The following USP34 variants were observed in gnomAD, a reference collection of about 807,000 sequenced individuals.
The protein encoded by USP34 is ubiquitin carboxyl-terminal hydrolase 34.
A neutral mutation model predicts 460.3 loss-of-function variants in USP34; 70 were observed. The observed-to-expected ratio is 0.15, with a 90% CI of 0.13 to 0.19. The LOEUF (loss-of-function observed/expected upper bound fraction) is 0.19. Ranked by LOEUF, USP34 falls within the 10% of genes least tolerant of loss-of-function variation. The probability of loss-of-function intolerance (pLI) is 1.00; values close to 1 mark genes in which losing one functional copy is unlikely to be tolerated. For synonymous variants in USP34, 1,647 were observed against 1,405.3 expected (o/e 1.17, Z -3.85); for missense variants, 3,985 against 4,236.2 (o/e 0.94, Z 1.65).
intron 1 of USP34, among the ~76,000 whole-genome samples, chr2:61,462,244 GGAA>G (rs756132050): frequency 8.1e-6 from 1 of 124,206 alleles, no homozygotes. Flanking sequence ...CATCTCAGGG[GGAA>G]AAAAAAAAAA....
chr2:61,412,304 G>A (rs58428612), intron 2 of USP34, among the ~76,000 whole-genome samples: 92 of 151,574 alleles, frequency 6.1e-4, no homozygotes, highest in African/African-American at 2.1e-3. Context: ...GATTTTAGCT[G>A]TAATTTATAT....
chr2:61,431,928 A>T (rs776694651), intron 1 of USP34, among the ~76,000 whole-genome samples: 12 of 152,222 alleles, frequency 7.9e-5, no homozygotes, highest in Non-Finnish European at 1.5e-4. Flanking sequence ...AGAATGATAA[A>T]TGCTTGAGAT....
intron 10 of USP34, 56 bp downstream of exon 10, chr2:61,370,265 G>A: frequency 6.5e-7 from 1 of 1,532,514 alleles, no homozygotes; most frequent in Non-Finnish European, 9.0e-7. Flanking sequence ...TCACAGAGAA[G>A]CACTTAGAAC....
intron 41 of USP34, among the ~76,000 whole-genome samples, chr2:61,272,773 A>C (rs1689254417): frequency 6.6e-6 from 1 of 152,182 alleles, no homozygotes; most frequent in Non-Finnish European, 1.5e-5. Context: ...TCAATAAAGA[A>C]TGCTAAGAAC....
rs1479707801 is a variant in USP34, at chr2:61,449,469, G to C, written c.43+21181C>G. 2.7e-5 allele frequency among the ~76,000 whole-genome samples: 4 copies of C among 145,896 alleles called. No homozygotes were observed. The Admixed American group carries it at 2.8e-4, about 10-fold the overall frequency. On this transcript the variant is annotated intron_variant, in intron 1 of 79. Transcript: ENST00000398571. ...GTTTTCAAGTTGATCCTAAAACTCA[G>C]AAGGAAACTCAAGGGACCCTGAAGA... is the stretch of plus-strand genomic sequence containing the variant.
intron 8 of USP34, 37 bp from the exon 9 acceptor site, chr2:61,370,616 A>T (rs1357905525): frequency 6.3e-7 from 1 of 1,583,894 alleles, no homozygotes; most frequent in Non-Finnish European, 8.6e-7. Context: ...ATTAAAAAAA[A>T]TTGTCATCTT....
At chr2:61,419,496 T>C (rs778154) in intron 2 of USP34, among the ~76,000 whole-genome samples, 50,028 of 151,908 alleles carry the variant, frequency 0.33, 8,684 homozygotes, top group Admixed American at 0.39. Flanking sequence ...TAAAAATTCT[T>C]AATACAGGGA....
intron 1 of USP34, among the ~76,000 whole-genome samples, chr2:61,470,224 G>C (rs540888370): frequency 1.2e-4 from 19 of 152,244 alleles, no homozygotes; most frequent in South Asian, 8.3e-4. Context: ...GAGAGGCCTC[G>C]GCAGCACGCT....
At chr2:61,199,911 A>ATATCTTGATATTTATCTTTCTGG (rs1686920487) in intron 75 of USP34, 4 of 152,374 alleles carry the variant, frequency 2.6e-5, no homozygotes, top group Non-Finnish European at 4.4e-5. Flanking sequence ...TATCTTTCTG[A>ATATCTTGATATTTATCTTTCTGG]TATTTTGAAC....
At chr2:61,243,385 G>C in intron 51 of USP34, among the ~76,000 whole-genome samples, 1 of 151,206 alleles carries the variant, frequency 6.6e-6, no homozygotes, top group South Asian at 2.1e-4. Context: ...GACCTCAGGT[G>C]ATCCACCTGC....
intron 27 of USP34, among the ~76,000 whole-genome samples, chr2:61,301,920 C>G (rs1690238201): frequency 1.3e-5 from 2 of 150,644 alleles, no homozygotes; most frequent in Non-Finnish European, 1.5e-5. Context: ...TATTTGTTAT[C>G]TGGGAAGGGA....
intron 2 of USP34, among the ~76,000 whole-genome samples, chr2:61,413,910 A>T (rs538993738): frequency 5.6e-4 from 84 of 150,784 alleles, no homozygotes; most frequent in Non-Finnish European, 1.0e-3. Context: ...CATCCTGGCG[A>T]TACAGTGAGA....
At chr2:61,315,664 T>C (rs544648012) in intron 23 of USP34, among the ~76,000 whole-genome samples, 5 of 152,068 alleles carry the variant, frequency 3.3e-5, no homozygotes, top group African/African-American at 1.2e-4. Context: ...TGTGAGCCAC[T>C]GCGTCCAGCC....
rs1173331612 is a variant in USP34, at chr2:61,364,804, T to C, written c.1251+5517A>G. Among the ~76,000 whole-genome samples the C allele has an allele frequency of 3.3e-5, 5 of 151,872 alleles. No homozygotes were observed. The East Asian group carries it at 9.7e-4, about 30-fold the overall frequency. On this transcript the variant is annotated intron_variant, in intron 10 of 79. Coordinates refer to ENST00000398571, the MANE Select transcript of USP34 (RefSeq NM_014709.4). ...ATTAGACAATGTGGTGGTGCGCACGTCTGTAATCCCAGCTACTCGGGAGGC... is the reference window on the plus strand; with the variant it reads ...ATTAGACAATGTGGTGGTGCGCACGCCTGTAATCCCAGCTACTCGGGAGGC...
intron 66 of USP34, 128 bp from the exon 67 acceptor site, chr2:61,220,585 T>A (rs201402090): frequency 1.1e-6 from 1 of 901,134 alleles, no homozygotes; most frequent in East Asian, 2.9e-5. Flanking sequence ...TTAAAAAGGT[T>A]TCACCCTATT....
chr2:61,291,211 A>G (rs1268698767), intron 33 of USP34, among the ~76,000 whole-genome samples: 1 of 152,168 alleles, frequency 6.6e-6, no homozygotes, highest in Admixed American at 6.5e-5. Flanking sequence ...GTTCAACCTC[A>G]TTAGTCACCA....
At chr2:61,454,576 G>T (rs948095274) in intron 1 of USP34, among the ~76,000 whole-genome samples, 1 of 152,020 alleles carries the variant, frequency 6.6e-6, no homozygotes, top group Non-Finnish European at 1.5e-5. Flanking sequence ...TTGAGATGGA[G>T]TCTCCCTCTG....
intron 76 of USP34, 68 bp from the exon 77 acceptor site, chr2:61,190,726 T>TA: frequency 1.3e-6 from 2 of 1,536,890 alleles, no homozygotes; most frequent in Non-Finnish European, 1.7e-6. Context: ...GGAAAAAACT[T>TA]ACACAGAAAA....
chr2:61,301,303 T>C, intron 28 of USP34, 51 bp downstream of exon 28: 5 of 1,576,270 alleles, frequency 3.2e-6, no homozygotes, highest in Non-Finnish European at 4.3e-6. Flanking sequence ...ACTATTCAAC[T>C]GATGATTATA....
Sources: allele counts gnomAD v4.1 joint callset (sites outside exome capture counted in the v4.1 genomes callset), GRCh38; gene constraint gnomAD v4.1.1; transcripts MANE v1.5; gene names NCBI Gene and HGNC (gene_info 2026-07-23, HGNC 2026-07-21).